Variants in NIPAL3 observed in about 807,000 individuals in gnomAD.
NIPAL3 encodes the protein NIPA like domain containing 3, also known as NIPA-like protein 3.
Under a neutral mutation model 47.2 loss-of-function variants are expected in NIPAL3, and 41 were observed. That is an observed-to-expected ratio of 0.87 (90% CI 0.68 to 1.13). NIPAL3 has a LOEUF of 1.13. Among genes scored for constraint, NIPAL3 ranks in the 50% most tolerant of loss-of-function variants. NIPAL3 has a pLI of 0.00. For missense variants in NIPAL3, 449 were observed against 530.1 expected, an observed-to-expected ratio of 0.85 and a Z score of 1.50; for synonymous variants, 194 against 209.6, an observed-to-expected ratio of 0.93 and a Z score of 0.64.
Position 24,449,767 on chromosome 1 carries a change from G to A in NIPAL3, c.540+141G>A, listed in dbSNP as rs1483763157. On this transcript the variant is annotated intron_variant, in intron 6 of 11. Coordinates refer to ENST00000374399, the MANE Select transcript of NIPAL3 (RefSeq NM_020448.5). The surrounding 1 kb of genome is among the most constrained non-coding windows in gnomAD (Gnocchi z 4.5). The stretch of plus-strand genomic sequence containing the variant: ...CAGCATGAAAGACCGTGCTTCTGGA[G>A]AGTACACAGCTCATGGCGAAATGCT... 1.1e-6 allele frequency: 1 copy of A among 878,056 alleles called. No individual in the cohort carries two copies. The highest frequency in any genetic ancestry group is 1.7e-5 in the African/African-American group (1 of 59,294). The allele number at this position is 878,056 out of a possible 1,614,324, so 54.4% of individuals were successfully genotyped here.
At chr1:24,441,930 C>A in intron 3 of NIPAL3, 125 bp from the exon 4 acceptor site, 2 of 913,146 alleles carry the variant, frequency 2.2e-6, no homozygotes, top group East Asian at 2.5e-5. Context: ...TGAGTCAGGA[C>A]TCCACAAGAA....
At position 24,437,304 on chromosome 1, in the gene NIPAL3, T is replaced by G. The variant is rs188647832; in HGVS notation, c.94-2868T>G. 2.6e-4 allele frequency among the ~76,000 whole-genome samples: 39 copies of G among 152,350 alleles called. No individual in the cohort carries two copies. The East Asian group carries it at 7.3e-3, about 29-fold the overall frequency. ...ATATTTGTAAATACAATTTGTTAGA[T>G]GTATAATAATTAGTTCTGTGGTAAG... On this transcript the variant is annotated intron_variant, in intron 2 of 11. Transcript: ENST00000374399.
At chr1:24,445,839 A>G (rs1645630176) in intron 5 of NIPAL3, among the ~76,000 whole-genome samples, 1 of 152,176 alleles carries the variant, frequency 6.6e-6, no homozygotes. Context: ...AAGCCCCAGT[A>G]TTTAATTTTT....
chr1:24,440,260 ACT>A lies in NIPAL3; in HGVS notation c.162+21_162+22del, dbSNP rs774566591. 28 of 1,565,374 alleles carry A rather than the reference ACT, an allele frequency of 1.8e-5. No homozygotes were observed. The highest frequency in any genetic ancestry group is 2.4e-5 in the Non-Finnish European group (28 of 1,155,854). ...CTCCAGGTAAGTTTCAGTTACCAGC[ACT>A]GTCTGGGGACAGAGACACAGCAGAC... is the stretch of plus-strand genomic sequence containing the variant. On this transcript the variant is annotated intron_variant, in intron 3 of 11. Transcript: ENST00000374399.
chr1:24,438,168 C>T (rs747284184), intron 2 of NIPAL3, among the ~76,000 whole-genome samples: 6 of 152,164 alleles, frequency 3.9e-5, no homozygotes, highest in Non-Finnish European at 5.9e-5. Flanking sequence ...AGGTCTCCAG[C>T]GAGCCTTTTA....
chr1:24,465,787 T>C (rs1646671858), intron 11 of NIPAL3: 1 of 484,582 alleles, frequency 2.1e-6, no homozygotes, highest in South Asian at 3.9e-5. Flanking sequence ...TAAAGGCCTC[T>C]TGCACGGTGT....
rs752430903 is a variant in NIPAL3, at chr1:24,456,233, A to G, written c.733A>G (p.Met245Val). The change falls in exon 8 of 12, where the codon ATG becomes GTG. Residue 245 changes from methionine to valine, a missense_variant. Physicochemically the swap from Met to Val is conservative, Grantham distance 21. Coordinates refer to ENST00000374399, the MANE Select transcript of NIPAL3 (RefSeq NM_020448.5). Reference sequence around the variant, plus strand: ...GCTTGACTACCCCATCTTCTACGTGATGTTCGTGTGCATGGTGGCAACCGC... The same window carrying G: ...GCTTGACTACCCCATCTTCTACGTGGTGTTCGTGTGCATGGTGGCAACCGC... Reference protein sequence around the residue: ...LQLDYPIFYVMFVCMVATAVY... With the variant: ...LQLDYPIFYVVFVCMVATAVY... The G allele has an allele frequency of 6.2e-7, 1 of 1,614,198 alleles. No individual in the cohort carries two copies. Among genetic ancestry groups the G allele is most frequent in the South Asian group, 1.1e-5 (1 of 91,090 alleles).
chr1:24,442,211 G>C lies in NIPAL3; in HGVS notation c.319G>C (p.Ala107Pro). Reference protein sequence around the residue: ...APLSLIVPLSAVSVIASAIIG... With the variant: ...APLSLIVPLSPVSVIASAIIG... The stretch of plus-strand genomic sequence containing the variant: ...GCTGTCACTCATCGTGCCCCTCAGC[G>C]CAGTTTCTGTGATAGGTAAGACCAG... The change falls in exon 4 of 12, where the codon GCA becomes CCA. Residue 107 changes from alanine (A) to proline (P), a missense_variant. Physicochemically the swap from Ala to Pro is conservative, Grantham distance 27. Coordinates refer to ENST00000374399, the MANE Select transcript of NIPAL3 (RefSeq NM_020448.5). 1.2e-6 allele frequency: 2 copies of C among 1,613,912 alleles called. No homozygotes were observed. Among genetic ancestry groups the C allele is most frequent in the Non-Finnish European group, 1.7e-6 (2 of 1,179,988 alleles).
chr1:24,445,225 G>A lies in NIPAL3; in HGVS notation c.375G>A (p.Trp125Ter), dbSNP rs1215479732. The A allele has an allele frequency of 6.2e-7, 1 of 1,610,434 alleles. No individual in the cohort carries two copies. The highest frequency in any genetic ancestry group is 8.5e-7 in the Non-Finnish European group (1 of 1,176,632). ...GAATCATATTCATCAAGGAAAAGTG[G>A]AAACCGAAAGACTTTCTGAGTAAGT... ...IIGIIFIKEKWKPKDFLRRYV... is the reference protein window; with the variant it reads ...IIGIIFIKEK The change falls in exon 5 of 12, where the codon TGG (tryptophan) becomes TGA (stop). Residue 125 changes from tryptophan to a stop codon, truncating the protein, a stop_gained. Coordinates refer to ENST00000374399, the MANE Select transcript of NIPAL3 (RefSeq NM_020448.5). LOFTEE classifies it high-confidence loss of function.
rs757962750 is a variant in NIPAL3, at chr1:24,419,720, A to G, written c.93+80A>G. Reference sequence around the variant, plus strand: ...CAGTGCTCTGCATTGGCTAACAGATATGTATGGGGTCTGCATGCCTGTCAC... The same window carrying G: ...CAGTGCTCTGCATTGGCTAACAGATGTGTATGGGGTCTGCATGCCTGTCAC... On this transcript the variant is annotated intron_variant, in intron 2 of 11. Coordinates refer to ENST00000374399, the MANE Select transcript of NIPAL3 (RefSeq NM_020448.5). 9.1e-6 allele frequency: 11 copies of G among 1,212,066 alleles called. No individual in the cohort carries two copies. In the Admixed American group the frequency reaches 1.2e-4, roughly 13 times the overall value. The allele number at this position is 1,212,066 out of a possible 1,614,324, so 75.1% of individuals were successfully genotyped here.
chr1:24,423,304 G>A (rs1644416654), intron 2 of NIPAL3, among the ~76,000 whole-genome samples: 1 of 152,230 alleles, frequency 6.6e-6, no homozygotes, highest in South Asian at 2.1e-4. Context: ...AGATGACAGA[G>A]TAACTCCATG....
chr1:24,455,753 T>C (rs1295143767), intron 7 of NIPAL3, among the ~76,000 whole-genome samples: 1 of 152,230 alleles, frequency 6.6e-6, no homozygotes, highest in African/African-American at 2.4e-5. Context: ...AACACATGTT[T>C]TTCCTGTGGT....
intron 7 of NIPAL3, 50 bp from the exon 8 acceptor site, chr1:24,456,086 ACT>A (rs974441437): frequency 2.5e-6 from 4 of 1,609,428 alleles, no homozygotes; most frequent in Non-Finnish European, 8.5e-7. Flanking sequence ...TCCGGACCTA[ACT>A]CTCTGCATTT....
intron 7 of NIPAL3, among the ~76,000 whole-genome samples, chr1:24,455,827 C>T (rs573813094): frequency 2.6e-5 from 4 of 152,334 alleles, no homozygotes; most frequent in East Asian, 3.9e-4. Context: ...CTGGGCACTC[C>T]GGGCCTCAGA....
intron 2 of NIPAL3, among the ~76,000 whole-genome samples, chr1:24,425,844 G>A (rs975387468): frequency 1.3e-5 from 2 of 152,016 alleles, no homozygotes; most frequent in African/African-American, 2.4e-5. Context: ...TTCTGCCTTC[G>A]GAAATCCTAC....
rs1646926645 is a variant in NIPAL3, at chr1:24,472,113, A to G, written c.*2928A>G. 1 of 150,814 alleles carries G rather than the reference A, an allele frequency of 6.6e-6. No homozygotes were observed. The highest frequency in any genetic ancestry group is 2.4e-5 in the African/African-American group (1 of 40,864). 9.3% of individuals were successfully genotyped at this position (150,814 alleles called of 1,614,324 possible). A position where few individuals can be genotyped will look rare whatever the true frequency, so the allele number is the denominator to read the frequency against. ...TGTAATTTCATGTCTGCTTCAGATC[A>G]TGGGGACAGTGCCACCCAGGAACTG... is the stretch of plus-strand genomic sequence containing the variant. On this transcript the variant is annotated 3_prime_UTR_variant, in exon 12 of 12. Coordinates refer to ENST00000374399, the MANE Select transcript of NIPAL3 (RefSeq NM_020448.5).
At position 24,423,463 on chromosome 1, in the gene NIPAL3, C is replaced by G. The variant is rs10218781; in HGVS notation, c.93+3823C>G. Among the ~76,000 whole-genome samples the G allele has an allele frequency of 5.3e-3, 802 of 152,242 alleles. 7 individuals carry two copies. Among genetic ancestry groups the G allele is most frequent in the African/African-American group, 0.019 (775 of 41,530 alleles). On this transcript the variant is annotated intron_variant, in intron 2 of 11. Transcript: ENST00000374399. ...AGACCACGGTGAAACCCCATCTCTA[C>G]TCAAAAATACAAAAAAATTAGCCGG...
intron 2 of NIPAL3, among the ~76,000 whole-genome samples, chr1:24,437,114 A>AG (rs1172463968): frequency 2.6e-5 from 4 of 151,870 alleles, no homozygotes; most frequent in African/African-American, 9.7e-5. Context: ...TAGCCGGGCG[A>AG]GGTGGCGGGC....
chr1:24,439,954 C>T (rs2148803090), intron 2 of NIPAL3, among the ~76,000 whole-genome samples: 2 of 152,344 alleles, frequency 1.3e-5, no homozygotes, highest in Middle Eastern at 6.8e-3. Context: ...ATCGGGCCAC[C>T]AAAGTATCCA....
Sources: allele counts gnomAD v4.1 joint callset (sites outside exome capture counted in the v4.1 genomes callset), GRCh38; gene constraint gnomAD v4.1.1; non-coding constraint Gnocchi (gnomAD v3.1); transcripts MANE v1.5; gene names NCBI Gene and HGNC (gene_info 2026-07-23, HGNC 2026-07-21).